CWC27: variants seen among roughly 807,000 people sequenced by gnomAD.
The protein encoded by CWC27 is CWC27 spliceosome associated cyclophilin, also known as spliceosome-associated protein CWC27 homolog.
Under a neutral mutation model 63.6 loss-of-function variants are expected in CWC27, and 47 were observed. The observed-to-expected ratio is 0.74, with a 90% confidence interval of 0.58 to 0.94. The LOEUF is 0.94. CWC27 is among the 40% of genes least tolerant of loss of function. The pLI is 0.00. For synonymous variants in CWC27, 175 were observed against 179.8 expected, an observed-to-expected ratio of 0.97 and a Z score of 0.22; for missense variants, 495 against 554.3, an observed-to-expected ratio of 0.89 and a Z score of 1.07.
At chr5:64,981,265 C>G (rs1416167339) in intron 13 of CWC27, among the ~76,000 whole-genome samples, 1 of 152,090 alleles carries the variant, frequency 6.6e-6, no homozygotes, top group Non-Finnish European at 1.5e-5. Flanking sequence ...TATTTTTATA[C>G]ATGTTAATTT....
At chr5:64,870,672 A>G (rs1384636019) in intron 10 of CWC27, among the ~76,000 whole-genome samples, 1 of 152,000 alleles carries the variant, frequency 6.6e-6, no homozygotes, top group Non-Finnish European at 1.5e-5. Flanking sequence ...CAAAAAAGAA[A>G]CTTCTTTTTT....
At chr5:64,847,669 T>C (rs60373993) in intron 10 of CWC27, among the ~76,000 whole-genome samples, 53,501 of 151,926 alleles carry the variant, frequency 0.35, 9,855 homozygotes, top group East Asian at 0.51. Context: ...TCAAATTATA[T>C]TAAGTATATT....
At chr5:64,776,670 C>T (rs1743467803) in intron 2 of CWC27, among the ~76,000 whole-genome samples, 1 of 152,022 alleles carries the variant, frequency 6.6e-6, no homozygotes, top group South Asian at 2.1e-4. Context: ...TAAGTTAAGT[C>T]AAGGTTTCAA....
chr5:64,961,065 G>A (rs183191692), intron 11 of CWC27, among the ~76,000 whole-genome samples: 171 of 152,278 alleles, frequency 1.1e-3, no homozygotes, highest in African/African-American at 3.9e-3. Flanking sequence ...TGGTTCATTA[G>A]GTAGGTAGCC....
chr5:65,012,159 T>A (rs1749972362), intron 13 of CWC27, among the ~76,000 whole-genome samples: 2 of 152,334 alleles, frequency 1.3e-5, no homozygotes, highest in East Asian at 3.9e-4. Context: ...ATTTCTTATC[T>A]TCCTTACTAG....
intron 10 of CWC27, among the ~76,000 whole-genome samples, chr5:64,839,202 G>A (rs1269823513): frequency 6.6e-6 from 1 of 152,164 alleles, no homozygotes; most frequent in African/African-American, 2.4e-5. Context: ...ACAGAATTTA[G>A]ATATATGAGG....
At chr5:64,962,709 C>T (rs1424833451) in intron 11 of CWC27, among the ~76,000 whole-genome samples, 1 of 152,102 alleles carries the variant, frequency 6.6e-6, no homozygotes, top group African/African-American at 2.4e-5. Context: ...GGCTCTGGAC[C>T]AATGGAACCC....
intron 11 of CWC27, among the ~76,000 whole-genome samples, chr5:64,915,964 T>C (rs1224393689): frequency 6.6e-6 from 1 of 152,226 alleles, no homozygotes; most frequent in Non-Finnish European, 1.5e-5. Flanking sequence ...GCCTGTGCTC[T>C]TTTCACTTTG....
chr5:64,801,591 T>TC (rs1487161480), intron 9 of CWC27, among the ~76,000 whole-genome samples: 2 of 152,022 alleles, frequency 1.3e-5, no homozygotes, highest in East Asian at 3.8e-4. Context: ...TGTTTTTTTC[T>TC]CCCCCTCACA....
intron 13 of CWC27, among the ~76,000 whole-genome samples, chr5:64,993,827 G>A (rs190070454): frequency 1.1e-4 from 17 of 152,224 alleles, no homozygotes; most frequent in Admixed American, 2.6e-4. Flanking sequence ...ATATGGCAAC[G>A]AAGCCAGTGC....
At chr5:64,993,799 A>G (rs1217538056) in intron 13 of CWC27, among the ~76,000 whole-genome samples, 5 of 152,224 alleles carry the variant, frequency 3.3e-5, no homozygotes, top group Non-Finnish European at 7.3e-5. Context: ...TAAAAAGCCA[A>G]TTCACCATAG....
At chr5:64,908,790 A>G (rs1561152265) in intron 11 of CWC27, among the ~76,000 whole-genome samples, 1 of 152,062 alleles carries the variant, frequency 6.6e-6, no homozygotes, top group Non-Finnish European at 1.5e-5. Flanking sequence ...TGCACGTGAG[A>G]TGGGTCTCCT....
At chr5:64,779,749 A>G (rs1367534826) in intron 2 of CWC27, among the ~76,000 whole-genome samples, 1 of 152,046 alleles carries the variant, frequency 6.6e-6, no homozygotes. Context: ...TAAACCCCAT[A>G]ATCCCCACAT....
At chr5:64,948,143 C>G (rs1748627097) in intron 11 of CWC27, among the ~76,000 whole-genome samples, 1 of 151,918 alleles carries the variant, frequency 6.6e-6, no homozygotes, top group Non-Finnish European at 1.5e-5. Flanking sequence ...GGTCTAGTCT[C>G]TAGGTTAGAG....
intron 13 of CWC27, among the ~76,000 whole-genome samples, chr5:64,991,882 T>A (rs1271882900): frequency 6.6e-6 from 1 of 152,228 alleles, no homozygotes; most frequent in Non-Finnish European, 1.5e-5. Flanking sequence ...GGTCCCTTCA[T>A]TTATTTTAAA....
intron 11 of CWC27, among the ~76,000 whole-genome samples, chr5:64,925,905 A>G (rs1307180272): frequency 6.6e-6 from 1 of 151,956 alleles, no homozygotes; most frequent in Non-Finnish European, 1.5e-5. Flanking sequence ...ACCTTCTACT[A>G]TTTTTGCTTA....
intron 11 of CWC27, among the ~76,000 whole-genome samples, chr5:64,931,711 C>A (rs991284947): frequency 6.6e-6 from 1 of 151,916 alleles, no homozygotes; most frequent in African/African-American, 2.4e-5. Flanking sequence ...TCCTTTATTG[C>A]ATGTGTATAT....
At chr5:64,919,154 A>G (rs191192600) in intron 11 of CWC27, among the ~76,000 whole-genome samples, 1 of 152,182 alleles carries the variant, frequency 6.6e-6, no homozygotes, top group Non-Finnish European at 1.5e-5. Context: ...TTGTGTTTCT[A>G]TATGTATGTG....
At position 64,782,842 on chromosome 5, in the gene CWC27, T is replaced by C. The variant is rs188993253; in HGVS notation, c.252+809T>C. On this transcript the variant is annotated intron_variant, in intron 3 of 13. Transcript: ENST00000381070. ...TGGCCTTAGAAATGTGGAATAGTTA[T>C]TTTAAAAGTCTCAGATGTCACTTTT... Among the ~76,000 whole-genome samples, 13 of 152,350 alleles carry C rather than the reference T, an allele frequency of 8.5e-5. No individual in the cohort carries two copies. In the East Asian group the frequency reaches 2.5e-3, roughly 29 times the overall value.
Sources: allele counts gnomAD v4.1 joint callset (sites outside exome capture counted in the v4.1 genomes callset), GRCh38; gene constraint gnomAD v4.1.1; transcripts MANE v1.5; gene names NCBI Gene and HGNC (gene_info 2026-07-23, HGNC 2026-07-21).